The following CRTC1 variants were observed in gnomAD, a reference collection of about 807,000 sequenced individuals.
CRTC1 encodes the protein CREB-regulated transcription coactivator 1.
CRTC1 carries 18 observed loss-of-function variants against 66.1 expected under a neutral mutation model. The observed-to-expected ratio is 0.27, with a 90% CI of 0.19 to 0.40. CRTC1 has a LOEUF of 0.40. CRTC1 is among the 10% of genes least tolerant of loss of function. CRTC1 has a pLI of 1.00. For missense variants in CRTC1, 669 were observed against 887.9 expected (o/e 0.75, Z 3.13); for synonymous variants, 416 against 398.8 (o/e 1.04, Z -0.51).
At chr19:18,701,097 C>T (rs1353873840) in intron 1 of CRTC1, among the ~76,000 whole-genome samples, 1 of 152,250 alleles carries the variant, frequency 6.6e-6, no homozygotes, top group Non-Finnish European at 1.5e-5. Context: ...CAGGCGGCCT[C>T]GGCCTCTGTT....
intron 1 of CRTC1, among the ~76,000 whole-genome samples, chr19:18,735,240 G>GC (rs2053972352): frequency 6.6e-6 from 1 of 152,186 alleles, no homozygotes; most frequent in African/African-American, 2.4e-5. Context: ...ATGCCCCAGG[G>GC]CTGGGCAGAG....
chr19:18,724,067 T>C (rs915196340), intron 1 of CRTC1, among the ~76,000 whole-genome samples: 2 of 152,090 alleles, frequency 1.3e-5, no homozygotes, highest in Non-Finnish European at 2.9e-5. Flanking sequence ...TATGTGGTCA[T>C]GGGAGTTGAG....
chr19:18,700,197 G>C (rs2053100094), intron 1 of CRTC1, among the ~76,000 whole-genome samples: 1 of 152,310 alleles, frequency 6.6e-6, no homozygotes, highest in East Asian at 1.9e-4. Context: ...CGCCTCCGCT[G>C]GTCCCAGGAG....
intron 1 of CRTC1, among the ~76,000 whole-genome samples, chr19:18,718,215 T>C (rs2053549619): frequency 6.6e-6 from 1 of 152,200 alleles, no homozygotes; most frequent in Non-Finnish European, 1.5e-5. Context: ...TGGATTTGCC[T>C]GTTCTGAGCA....
intron 1 of CRTC1, among the ~76,000 whole-genome samples, chr19:18,703,137 C>G (rs1360821174): frequency 6.6e-6 from 1 of 152,122 alleles, no homozygotes; most frequent in Non-Finnish European, 1.5e-5. Context: ...CGCCTGCCAC[C>G]ACGCCCGGCT....
intron 5 of CRTC1, among the ~76,000 whole-genome samples, chr19:18,752,147 CAAAAAAAAAAA>C (rs35618318): frequency 3.3e-5 from 3 of 90,628 alleles, no homozygotes; most frequent in Non-Finnish European, 7.0e-5. Context: ...AAGACTGTCT[CAAAAAAAAAAA>C]AAAAAAGAAA....
chr19:18,697,014 T>C (rs1024106538), intron 1 of CRTC1, among the ~76,000 whole-genome samples: 5 of 152,100 alleles, frequency 3.3e-5, no homozygotes, highest in Non-Finnish European at 5.9e-5. Context: ...GGTATGTCTC[T>C]GACCTCCAAC....
At chr19:18,776,423 G>T (rs2054989995) in intron 13 of CRTC1, among the ~76,000 whole-genome samples, 1 of 152,230 alleles carries the variant, frequency 6.6e-6, no homozygotes, top group African/African-American at 2.4e-5. Context: ...ATGAGTCAGG[G>T]CTGCTGGATT....
intron 1 of CRTC1, among the ~76,000 whole-genome samples, chr19:18,727,597 A>AAAAAAAAAAAAAG (rs2053790402): frequency 1.3e-5 from 2 of 149,314 alleles, no homozygotes; most frequent in African/African-American, 2.5e-5. Context: ...AAAAAAAAAA[A>AAAAAAAAAAAAAG]GAAGAAGAAA....
chr19:18,715,455 C>G (rs1568493043), intron 1 of CRTC1, among the ~76,000 whole-genome samples: 1 of 152,262 alleles, frequency 6.6e-6, no homozygotes, highest in Non-Finnish European at 1.5e-5. Flanking sequence ...CCTACTCCAA[C>G]ATGACTTTAA....
chr19:18,759,492 A>G, intron 6 of CRTC1, 59 bp from the exon 7 acceptor site: 5 of 1,571,042 alleles, frequency 3.2e-6, no homozygotes, highest in Admixed American at 1.7e-5. Context: ...CCCAGTGCCC[A>G]GGAGGAGGGC....
chr19:18,714,852 C>A (rs113413655), intron 1 of CRTC1, among the ~76,000 whole-genome samples: 4 of 152,222 alleles, frequency 2.6e-5, no homozygotes, highest in Admixed American at 6.5e-5. Flanking sequence ...CTCCCTTGCC[C>A]TCCCTCAGCC....
At chr19:18,754,307 G>GCT (rs2145781522) in intron 6 of CRTC1, among the ~76,000 whole-genome samples, 1 of 152,260 alleles carries the variant, frequency 6.6e-6, no homozygotes, top group African/African-American at 2.4e-5. Flanking sequence ...GATTACTTGA[G>GCT]CTCAGGAGTT....
intron 6 of CRTC1, among the ~76,000 whole-genome samples, chr19:18,757,274 C>CG (rs2054510801): frequency 6.6e-6 from 1 of 152,160 alleles, no homozygotes; most frequent in Admixed American, 6.5e-5. Context: ...ACAGGAGTCT[C>CG]GGGGGCCCCT....
At chr19:18,685,119 G>A (rs1471228847) in intron 1 of CRTC1, among the ~76,000 whole-genome samples, 1 of 152,104 alleles carries the variant, frequency 6.6e-6, no homozygotes, top group Non-Finnish European at 1.5e-5. Flanking sequence ...TGATTCCTTA[G>A]GTAGCACTTT....
At chr19:18,721,825 C>A (rs2053636786) in intron 1 of CRTC1, among the ~76,000 whole-genome samples, 1 of 152,208 alleles carries the variant, frequency 6.6e-6, no homozygotes, top group Non-Finnish European at 1.5e-5. Flanking sequence ...CAAATACAGT[C>A]ACATTCATAG....
chr19:18,750,068 TAGG>T lies in CRTC1; in HGVS notation c.538+196_538+198del, dbSNP rs2054330017. ...CTTAAGTTGGATTTTGAAGAGTGCA[TAGG>T]AGTTTTCTAGGCAGAGAAAACAACC... On this transcript the variant is annotated intron_variant, in intron 5 of 13. Transcript: ENST00000321949. Among the ~76,000 whole-genome samples, 7 of 152,320 alleles carry T rather than the reference TAGG, an allele frequency of 4.6e-5. No individual in the cohort carries two copies. In the South Asian group the frequency reaches 1.0e-3, roughly 23 times the overall value.
intron 1 of CRTC1, among the ~76,000 whole-genome samples, chr19:18,717,405 G>A (rs1211446943): frequency 6.6e-6 from 1 of 152,074 alleles, no homozygotes; most frequent in Non-Finnish European, 1.5e-5. Context: ...CATCCCTGGA[G>A]CCCTTGCCAT....
Position 18,745,836 on chromosome 19 carries a change from C to T in CRTC1, c.257C>T (p.Ser86Phe). ...CTCCTCCCCCAGACCCCCTTCCAATCCTCGGGCCTGGACACCAGCCGGACC... is the reference window on the plus strand; with the variant it reads ...CTCCTCCCCCAGACCCCCTTCCAATTCTCGGGCCTGGACACCAGCCGGACC... ...MDLPFQTPFQSSGLDTSRTTR... is the reference protein window; with the variant it reads ...MDLPFQTPFQFSGLDTSRTTR... The change falls in exon 3 of 14, where the codon TCC (serine) becomes TTC (phenylalanine). Residue 86 changes from serine to phenylalanine, a missense_variant. Around this residue, in one of 8 missense-constraint regions of CRTC1, gnomAD observed 214 missense variants for 323.4 expected, o/e 0.66. Coordinates refer to ENST00000321949, the MANE Select transcript of CRTC1 (RefSeq NM_015321.3). 1 of 1,613,918 alleles carries T rather than the reference C, an allele frequency of 6.2e-7. No homozygotes were observed.
Sources: allele counts gnomAD v4.1 joint callset (sites outside exome capture counted in the v4.1 genomes callset), GRCh38; gene constraint gnomAD v4.1.1; regional missense constraint gnomAD v4.1.1; transcripts MANE v1.5; gene names NCBI Gene and HGNC (gene_info 2026-07-23, HGNC 2026-07-21).